POLR1G: variants seen among roughly 807,000 people sequenced by gnomAD.
POLR1G encodes DNA-directed RNA polymerase I subunit RPA34.
Under a neutral mutation model 6.3 loss-of-function variants are expected in POLR1G, and 9 were observed. The observed-to-expected ratio is 1.44, with a 90% CI of 0.87 to 2.51. The LOEUF is 2.51. Among genes scored for constraint, POLR1G ranks in the 30% most tolerant of loss-of-function variants. The pLI is 0.00. For missense variants in POLR1G, 617 were observed against 632.5 expected, an observed-to-expected ratio of 0.98 and a Z score of 0.26; for synonymous variants, 248 against 256.5, an observed-to-expected ratio of 0.97 and a Z score of 0.32.
Position 45,408,523 on chromosome 19 carries a change from A to G in POLR1G, c.555A>G (p.Pro185=), listed in dbSNP as rs1267826729. Residue 185 remains proline, a synonymous_variant, in exon 3 of 3, where the codon CCA becomes CCG. Transcript: ENST00000309424. ...AGGAGATGCAGGTGACAGAGGCCCC[A>G]GTCACTCAGGAGGCAGTGAATGGGC... ...KKKEMQVTEA[P]VTQEAVNGHG... The G allele has an allele frequency of 6.2e-7, 1 of 1,613,980 alleles. No homozygotes were observed. The highest frequency in any genetic ancestry group is 8.5e-7 in the Non-Finnish European group (1 of 1,180,022).
chr19:45,409,582 C>G lies in POLR1G; in HGVS notation c.*81C>G. 6.3e-7 allele frequency: 1 copy of G among 1,576,678 alleles called. No homozygotes were observed. ...CCAGAAGGTGACACCCCCAGAATCC[C>G]TCCCCAGAGACTGCACCAGCGCAGC... On this transcript the variant is annotated 3_prime_UTR_variant, in exon 3 of 3. Transcript: ENST00000309424.
chr19:45,407,123 T>C lies in POLR1G; in HGVS notation c.52T>C (p.Phe18Leu), dbSNP rs1973397539. ...TGCTCGGTTCTCTTGTCCCCCCAAC[T>C]TTACCGCGAAGCCCCCAGCCTCAGA... Reference protein sequence around the residue: ...DAARFSCPPNFTAKPPASESP... With the variant: ...DAARFSCPPNLTAKPPASESP... Residue 18 changes from phenylalanine (F) to leucine (L), a missense_variant, in exon 2 of 3, where the codon TTT becomes CTT. Transcript: ENST00000309424. 1 of 1,605,068 alleles carries C rather than the reference T, an allele frequency of 6.2e-7. No individual in the cohort carries two copies. Among genetic ancestry groups the C allele is most frequent in the Non-Finnish European group, 8.5e-7 (1 of 1,177,736 alleles).
chr19:45,407,778 C>A, intron 2 of POLR1G: 1 of 254,866 alleles, frequency 3.9e-6, no homozygotes, highest in Non-Finnish European at 7.5e-6. Context: ...AGAGGCCAGC[C>A]AGGCGCAGTG....
rs1326872098 is a variant in POLR1G at position 45,409,514 on chromosome 19, A to G, written c.*13A>G. The G allele has an allele frequency of 3.8e-6, 6 of 1,594,182 alleles. No homozygotes were observed. Among genetic ancestry groups the G allele is most frequent in the Non-Finnish European group, 5.1e-6 (6 of 1,171,224 alleles). ...GCAGCCTGTGTAGTCTGCCCCCGGGAAACTGAGGAACTAAAGAAAGCTGAA... is the reference window on the plus strand; with the variant it reads ...GCAGCCTGTGTAGTCTGCCCCCGGGGAACTGAGGAACTAAAGAAAGCTGAA... On this transcript the variant is annotated 3_prime_UTR_variant, in exon 3 of 3. Coordinates refer to ENST00000309424, the MANE Select transcript of POLR1G (RefSeq NM_012099.3).
rs796814956 is a variant in POLR1G at position 45,409,239 on chromosome 19, A to C, written c.1271A>C (p.Lys424Thr). 4.3e-6 allele frequency: 7 copies of C among 1,611,358 alleles called. No individual in the cohort carries two copies. The highest frequency in any genetic ancestry group is 1.7e-4 in the Middle Eastern group (1 of 6,054). Residue 424 changes from lysine to threonine, a missense_variant, in exon 3 of 3, where the codon AAG (lysine) becomes ACG (threonine). Physicochemically the swap from Lys to Thr is moderately conservative, Grantham distance 78 (BLOSUM62 -1). Transcript: ENST00000309424. ...PQAAPTSTKKKKKKKERGHTV... is the reference protein window; with the variant it reads ...PQAAPTSTKKTKKKKERGHTV... ...GCAGCTCCCACATCCACCAAGAAGA[A>C]GAAGAAGAAGAAAGAGAGAGGTCAC... is the stretch of plus-strand genomic sequence containing the variant.
chr19:45,409,641 A>AT lies in POLR1G; in HGVS notation c.*142dup, dbSNP rs756488455. 6.8e-7 allele frequency: 1 copy of AT among 1,474,050 alleles called. No individual in the cohort carries two copies. Among genetic ancestry groups the AT allele is most frequent in the Non-Finnish European group, 9.5e-7 (1 of 1,054,840 alleles). 91.3% of individuals were successfully genotyped at this position (1,474,050 alleles called of 1,614,324 possible). On this transcript the variant is annotated 3_prime_UTR_variant, in exon 3 of 3. Coordinates refer to ENST00000309424, the MANE Select transcript of POLR1G (RefSeq NM_012099.3). ...GCCTGGCCTGGGAGGACGATTTATTATTACACTGGGGGTTTCCTTGGCAGC... is the reference window on the plus strand; with the variant it reads ...GCCTGGCCTGGGAGGACGATTTATTATTTACACTGGGGGTTTCCTTGGCAGC...
chr19:45,409,804 G>A lies in POLR1G; in HGVS notation c.*303G>A. The A allele has an allele frequency of 1.4e-6, 1 of 720,512 alleles. No individual in the cohort carries two copies. Among genetic ancestry groups the A allele is most frequent in the East Asian group, 2.6e-5 (1 of 38,106 alleles). The allele number at this position is 720,512 out of a possible 1,614,324, so 44.6% of individuals were successfully genotyped here. A position where few individuals can be genotyped will look rare whatever the true frequency, so the allele number is the denominator to read the frequency against. The stretch of plus-strand genomic sequence containing the variant: ...TGGGTAAATCTAGAGTGGGGTTTTG[G>A]TTCTTTATTTTCCCCTATACCCTCA... On this transcript the variant is annotated 3_prime_UTR_variant, in exon 3 of 3. Transcript: ENST00000309424.
At position 45,409,929 on chromosome 19, in the gene POLR1G, TCGCCC is replaced by T. The variant is rs1973605357; in HGVS notation, c.*429_*433del. On this transcript the variant is annotated 3_prime_UTR_variant, in exon 3 of 3. Coordinates refer to ENST00000309424, the MANE Select transcript of POLR1G (RefSeq NM_012099.3). ...TTTTTTGAGATGGAGTCTCGCTCTG[TCGCCC>T]AGGTTGGAGTGCAGTGGCGCAATCT... 1 of 206,576 alleles carries T rather than the reference TCGCCC, an allele frequency of 4.8e-6. No homozygotes were observed. The highest frequency in any genetic ancestry group is 9.2e-6 in the Non-Finnish European group (1 of 109,040). 12.8% of individuals were successfully genotyped at this position (206,576 alleles called of 1,614,324 possible). A position where few individuals can be genotyped will look rare whatever the true frequency, so the allele number is the denominator to read the frequency against.
Position 45,409,594 on chromosome 19 carries a change from T to A in POLR1G, c.*93T>A. On this transcript the variant is annotated 3_prime_UTR_variant, in exon 3 of 3. Transcript: ENST00000309424. ...ACCCCCAGAATCCCTCCCCAGAGAC[T>A]GCACCAGCGCAGCCAGCAGGAGCCT... is the stretch of plus-strand genomic sequence containing the variant. 1.3e-6 allele frequency: 2 copies of A among 1,579,606 alleles called. No homozygotes were observed. Among genetic ancestry groups the A allele is most frequent in the Middle Eastern group, 3.8e-4 (2 of 5,318 alleles).
At position 45,409,852 on chromosome 19, in the gene POLR1G, A is replaced by G. The variant is rs1273569493; in HGVS notation, c.*351A>G. 1.1e-5 allele frequency: 7 copies of G among 638,402 alleles called. No individual in the cohort carries two copies. The African/African-American group carries it at 1.3e-4, about 12-fold the overall frequency. The allele number at this position is 638,402 out of a possible 1,614,324, so 39.5% of individuals were successfully genotyped here. A position where few individuals can be genotyped will look rare whatever the true frequency, so the allele number is the denominator to read the frequency against. ...TCAAGCATTTATCCATTGAGTTACA[A>G]ACAATCCAGTTACAATCTTTTTAAG... On this transcript the variant is annotated 3_prime_UTR_variant, in exon 3 of 3. Coordinates refer to ENST00000309424, the MANE Select transcript of POLR1G (RefSeq NM_012099.3).
rs200386912 is a variant in POLR1G, at chr19:45,409,892, A to ATTT, written c.*393_*394insTTT. 18 of 206,462 alleles carry ATTT rather than the reference A, an allele frequency of 8.7e-5. No individual in the cohort carries two copies. Among genetic ancestry groups the ATTT allele is most frequent in the South Asian group, 4.0e-4 (2 of 4,972 alleles). The allele number at this position is 206,462 out of a possible 1,614,324, so 12.8% of individuals were successfully genotyped here. On this transcript the variant is annotated 3_prime_UTR_variant, in exon 3 of 3. Coordinates refer to ENST00000309424, the MANE Select transcript of POLR1G (RefSeq NM_012099.3). The stretch of plus-strand genomic sequence containing the variant: ...ATCTTTTTAAGTTATTATTATTATT[A>ATTT]TTATTTTTTTTTTTTTTGAGATGGA...
intron 2 of POLR1G, 172 bp from the exon 3 acceptor site, chr19:45,407,961 G>C (rs1452067583): frequency 1.2e-6 from 1 of 803,438 alleles, no homozygotes; most frequent in African/African-American, 1.7e-5. Flanking sequence ...GGCTGAGGCA[G>C]GAGAATCGCT....
intron 2 of POLR1G, 83 bp downstream of exon 2, chr19:45,407,318 G>C: frequency 2.2e-6 from 3 of 1,342,004 alleles, no homozygotes; most frequent in Non-Finnish European, 3.1e-6. Context: ...GAAAGAATTA[G>C]AGGTGAGTCA....
intron 2 of POLR1G, chr19:45,407,619 A>G (rs920297224): frequency 3.5e-6 from 1 of 282,890 alleles, no homozygotes; most frequent in East Asian, 6.0e-5. Flanking sequence ...GCTTGGTGGA[A>G]CATGTTCTGT....
Position 45,408,417 on chromosome 19 carries a change from G to A in POLR1G, c.449G>A (p.Cys150Tyr), listed in dbSNP as rs774936715. 16 of 1,613,552 alleles carry A rather than the reference G, an allele frequency of 9.9e-6. No homozygotes were observed. In the African/African-American group the frequency reaches 1.5e-4, roughly 15 times the overall value. ...QIPPGLRPRF[C>Y]AFGGNPPVTG... The stretch of plus-strand genomic sequence containing the variant: ...CCTCCTGGCCTGAGGCCTCGGTTCT[G>A]TGCCTTTGGGGGCAACCCACCAGTC... The change falls in exon 3 of 3, where the codon TGT (cysteine) becomes TAT (tyrosine). Residue 150 changes from cysteine (C) to tyrosine (Y), a missense_variant. Transcript: ENST00000309424.
intron 1 of POLR1G, 52 bp from the exon 2 acceptor site, chr19:45,407,042 G>T (rs1973392230): frequency 6.4e-7 from 1 of 1,557,942 alleles, no homozygotes; most frequent in Non-Finnish European, 8.6e-7. Context: ...CGCCCTGCAA[G>T]ATTGGACCGG....
intron 2 of POLR1G, 142 bp downstream of exon 2, chr19:45,407,377 A>G (rs771863554): frequency 9.2e-5 from 67 of 725,014 alleles, no homozygotes; most frequent in Non-Finnish European, 1.2e-4. Flanking sequence ...TCCTTTACAG[A>G]GTAGAGTGTC....
rs1347729443 is a variant in POLR1G, at chr19:45,408,466, C to T, written c.498C>T (p.Ala166=). 9 of 1,613,782 alleles carry T rather than the reference C, an allele frequency of 5.6e-6. No individual in the cohort carries two copies. The African/African-American group carries it at 1.2e-4, about 22-fold the overall frequency. ...TCACAGGGCCTAGGTCAGCCTTGGC[C>T]CCCAACCTGCTCACCTCAGGGAAGA... ...PPVTGPRSAL[A]PNLLTSGKKK... The change falls in exon 3 of 3, where the codon GCC becomes GCT. Residue 166 remains alanine (A), a synonymous_variant. Transcript: ENST00000309424.
At position 45,410,034 on chromosome 19, in the gene POLR1G, G is replaced by A. The variant is rs1331258099; in HGVS notation, c.*533G>A. On this transcript the variant is annotated 3_prime_UTR_variant, in exon 3 of 3. Coordinates refer to ENST00000309424, the MANE Select transcript of POLR1G (RefSeq NM_012099.3). ...AGCCTCCTGAGTAGCTGGGACTACA[G>A]GCCCCTGCCCAGCTAATTTTTTGTA... is the stretch of plus-strand genomic sequence containing the variant. 2 of 162,730 alleles carry A rather than the reference G, an allele frequency of 1.2e-5. No homozygotes were observed. Among genetic ancestry groups the A allele is most frequent in the Non-Finnish European group, 1.3e-5 (1 of 77,110 alleles). The allele number at this position is 162,730 out of a possible 1,614,324, so 10.1% of individuals were successfully genotyped here.
Sources: gnomAD v4.1 joint callset for allele counts on GRCh38, gnomAD v4.1.1 for gene constraint, MANE v1.5 for transcripts, NCBI Gene and HGNC (gene_info 2026-07-23, HGNC 2026-07-21) for gene names.